The following PTPRZ1 variants were observed in gnomAD, a reference collection of about 807,000 sequenced individuals.
PTPRZ1 encodes receptor-type tyrosine-protein phosphatase zeta.
A neutral mutation model predicts 214.1 loss-of-function variants in PTPRZ1; 82 were observed. The ratio of observed to expected loss-of-function variants is 0.38; its 90% CI spans 0.32 to 0.46. The LOEUF is 0.46. PTPRZ1 is among the 20% of genes least tolerant of loss of function. The pLI is 1.00. For missense variants in PTPRZ1, 2,603 were observed against 2,748.7 expected (o/e 0.95, Z 1.19); for synonymous variants, 945 against 987.9 (o/e 0.96, Z 0.81).
intron 19 of PTPRZ1, among the ~76,000 whole-genome samples, 179 bp downstream of exon 19, chr7:122,039,068 T>A (rs1188499058): frequency 6.6e-6 from 1 of 152,232 alleles, no homozygotes; most frequent in Non-Finnish European, 1.5e-5. Context: ...AGTTTCATTA[T>A]GAATCATGCT....
In PTPRZ1 at chr7:122,044,462, T is replaced by C. The variant is rs1411206331; in HGVS notation, c.5978T>C (p.Ile1993Thr). 6.2e-7 allele frequency: 1 copy of C among 1,613,942 alleles called. No homozygotes were observed. The highest frequency in any genetic ancestry group is 1.1e-5 in the South Asian group (1 of 91,084). Residue 1993 changes from isoleucine to threonine, a missense_variant, in exon 23 of 30, where the codon ATA (isoleucine) becomes ACA (threonine). Coordinates refer to ENST00000393386, the MANE Select transcript of PTPRZ1 (RefSeq NM_002851.3). ...VFIHDTLVEA[I>T]LSKETEVLDS... ...ATTCATGATACACTGGTTGAGGCCA[T>C]ACTTAGTAAAGAAACTGAGGTGCTG...
At chr7:121,969,467 C>T (rs1797152289) in intron 3 of PTPRZ1, among the ~76,000 whole-genome samples, 1 of 149,780 alleles carries the variant, frequency 6.7e-6, no homozygotes, top group African/African-American at 2.5e-5. Context: ...GAGGCTGAGG[C>T]AGGAGAATTG....
At chr7:122,037,483 T>TAA (rs1411664023) in intron 18 of PTPRZ1, among the ~76,000 whole-genome samples, 36 of 152,182 alleles carry the variant, frequency 2.4e-4, no homozygotes, top group African/African-American at 8.7e-4. Flanking sequence ...ACTGGGACTC[T>TAA]CCAGAGACTG....
intron 1 of PTPRZ1, among the ~76,000 whole-genome samples, chr7:121,924,499 C>A (rs534345472): frequency 8.7e-4 from 133 of 152,208 alleles, no homozygotes; most frequent in Non-Finnish European, 1.6e-3. Flanking sequence ...CATAAAGGAA[C>A]TGAAGAGAGC....
At chr7:121,967,909 G>A (rs760204579) in intron 2 of PTPRZ1, 42 bp from the exon 3 acceptor site, 2 of 1,393,308 alleles carry the variant, frequency 1.4e-6, no homozygotes, top group South Asian at 1.3e-5. Context: ...TTTTTGCATG[G>A]TAATTTAAGA....
chr7:122,014,685 G>T (rs901497557), intron 12 of PTPRZ1, among the ~76,000 whole-genome samples: 1 of 152,078 alleles, frequency 6.6e-6, no homozygotes, highest in Non-Finnish European at 1.5e-5. Context: ...TGATCCACCC[G>T]CCTCGGCCTC....
chr7:121,942,373 T>C (rs1178292688), intron 2 of PTPRZ1, among the ~76,000 whole-genome samples: 2 of 152,212 alleles, frequency 1.3e-5, no homozygotes, highest in Non-Finnish European at 2.9e-5. Context: ...GCAGCCTCAA[T>C]TGTTTGCTTT....
In PTPRZ1 at chr7:121,928,047, A is replaced by C. The variant is rs976699640; in HGVS notation, c.59-109A>C. The C allele has an allele frequency of 2.9e-5, 22 of 764,144 alleles. No individual in the cohort carries two copies. The Admixed American group carries it at 4.1e-4, about 14-fold the overall frequency. 47.3% of individuals were successfully genotyped at this position (764,144 alleles called of 1,614,324 possible). On this transcript the variant is annotated intron_variant, in intron 1 of 29. Coordinates refer to ENST00000393386, the MANE Select transcript of PTPRZ1 (RefSeq NM_002851.3). Reference sequence around the variant, plus strand: ...TGAGAGAACACATTGAGAAGATGACATGGAAAGGAGTAATCAAGAACTATT... The same window carrying C: ...TGAGAGAACACATTGAGAAGATGACCTGGAAAGGAGTAATCAAGAACTATT...
chr7:121,959,575 T>C (rs1185738934), intron 2 of PTPRZ1, among the ~76,000 whole-genome samples: 2 of 152,218 alleles, frequency 1.3e-5, no homozygotes, highest in African/African-American at 2.4e-5. Context: ...CATTAAGACA[T>C]ATAATCTGTT....
At chr7:121,983,398 C>T (rs1220794627) in intron 6 of PTPRZ1, among the ~76,000 whole-genome samples, 1 of 152,124 alleles carries the variant, frequency 6.6e-6, no homozygotes. Flanking sequence ...TTGAGATGAT[C>T]ATCTGATTTC....
intron 1 of PTPRZ1, among the ~76,000 whole-genome samples, chr7:121,885,356 G>A (rs1794366017): frequency 6.6e-6 from 1 of 152,048 alleles, no homozygotes; most frequent in Non-Finnish European, 1.5e-5. Context: ...TATGATTTTT[G>A]GCCACTCTGG....
chr7:122,018,187 G>C (rs936794432), intron 12 of PTPRZ1, among the ~76,000 whole-genome samples: 2 of 152,114 alleles, frequency 1.3e-5, no homozygotes, highest in African/African-American at 4.8e-5. Context: ...AGCACTGTCA[G>C]CATGCTGTAA....
At chr7:122,021,181 G>A (rs577166946) in intron 13 of PTPRZ1, among the ~76,000 whole-genome samples, 1 of 151,966 alleles carries the variant, frequency 6.6e-6, no homozygotes, top group African/African-American at 2.4e-5. Context: ...CTTAATCTGT[G>A]TTACTTTTCA....
rs1793937707 is a variant in PTPRZ1, at chr7:121,873,323, C to T, written c.-177C>T. 5.4e-6 allele frequency: 3 copies of T among 552,718 alleles called. No individual in the cohort carries two copies. The highest frequency in any genetic ancestry group is 3.1e-6 in the Non-Finnish European group (1 of 322,922). The allele number at this position is 552,718 out of a possible 1,614,324, so 34.2% of individuals were successfully genotyped here. A position where few individuals can be genotyped will look rare whatever the true frequency, so the allele number is the denominator to read the frequency against. On this transcript the variant is annotated 5_prime_UTR_variant, in exon 1 of 30. Coordinates refer to ENST00000393386, the MANE Select transcript of PTPRZ1 (RefSeq NM_002851.3). ...TCTCTGTCTCTGTCTCTGTCTCTCT[C>T]TCTCTCACACACACACACACACACA...
At chr7:122,037,644 A>C (rs1450408083) in intron 18 of PTPRZ1, among the ~76,000 whole-genome samples, 2 of 152,216 alleles carry the variant, frequency 1.3e-5, no homozygotes, top group Admixed American at 1.3e-4. Context: ...GTACATAAGT[A>C]TAAAGTGGGT....
intron 1 of PTPRZ1, among the ~76,000 whole-genome samples, chr7:121,895,394 G>C (rs34982020): frequency 0.33 from 49,893 of 152,054 alleles, 8,733 homozygotes; most frequent in South Asian, 0.43. Flanking sequence ...GAAGTTGATA[G>C]TGTTGGGTAG....
At chr7:121,897,460 G>A (rs1224806247) in intron 1 of PTPRZ1, among the ~76,000 whole-genome samples, 1 of 152,112 alleles carries the variant, frequency 6.6e-6, no homozygotes, top group Non-Finnish European at 1.5e-5. Context: ...TGCTGCCATG[G>A]TGCTTTCAGA....
At chr7:122,048,377 T>C (rs1335769236) in intron 23 of PTPRZ1, among the ~76,000 whole-genome samples, 1 of 152,062 alleles carries the variant, frequency 6.6e-6, no homozygotes, top group African/African-American at 2.4e-5. Flanking sequence ...AGAGATATAA[T>C]TTAGAAACAT....
At chr7:121,960,869 G>A (rs1157724589) in intron 2 of PTPRZ1, among the ~76,000 whole-genome samples, 1 of 151,822 alleles carries the variant, frequency 6.6e-6, no homozygotes, top group Non-Finnish European at 1.5e-5. Flanking sequence ...GTTTCTATCT[G>A]GAACACTAAT....
Sources: gnomAD v4.1 joint callset for allele counts (sites outside exome capture counted in the v4.1 genomes callset) on GRCh38, gnomAD v4.1.1 for gene constraint, MANE v1.5 for transcripts, NCBI Gene and HGNC (gene_info 2026-07-23, HGNC 2026-07-21) for gene names.